The following SUPT7L variants were observed in gnomAD, a reference collection of about 807,000 sequenced individuals.
SUPT7L encodes the protein STAGA complex 65 subunit gamma.
Under a neutral mutation model 35.7 loss-of-function variants are expected in SUPT7L, and 15 were observed. That is an observed-to-expected ratio of 0.42 (90% CI 0.28 to 0.65). The LOEUF (loss-of-function observed/expected upper bound fraction) is 0.65. Among genes scored for constraint, SUPT7L ranks in the 30% least tolerant of loss-of-function variants. The probability of loss-of-function intolerance (pLI) is 0.23; values close to 1 mark genes in which losing one functional copy is unlikely to be tolerated. For missense variants in SUPT7L, 434 were observed against 522.2 expected, an observed-to-expected ratio of 0.83 and a Z score of 1.65; for synonymous variants, 168 against 186.2, an observed-to-expected ratio of 0.90 and a Z score of 0.79.
chr2:27,658,932 T>C (rs1553361737), intron 3 of SUPT7L, among the ~76,000 whole-genome samples: 2 of 152,244 alleles, frequency 1.3e-5, no homozygotes, highest in Non-Finnish European at 2.9e-5. Context: ...ATTTTTGTTA[T>C]ACAGTTTCCT....
downstream of SUPT7L, chr2:27,647,906 G>A (rs144220021): frequency 6.7e-5 from 108 of 1,613,118 alleles, no homozygotes; most frequent in Admixed American, 1.7e-5. Context: ...AAGAGGATGA[G>A]GAAGCAGACA....
At chr2:27,650,323 G>A (rs1005217165), downstream of SUPT7L, 2 of 557,596 alleles carry the variant, frequency 3.6e-6, no homozygotes, top group African/African-American at 3.8e-5. Flanking sequence ...GAGTAGCAAA[G>A]TTTCTCTTAT....
chr2:27,654,818 A>G (rs1674715247), intron 5 of SUPT7L, among the ~76,000 whole-genome samples: 1 of 152,074 alleles, frequency 6.6e-6, no homozygotes, highest in African/African-American at 2.4e-5. Context: ...CGCCCGCCTC[A>G]GCCTCCCAAA....
downstream of SUPT7L, among the ~76,000 whole-genome samples, chr2:27,647,492 T>C (rs1458514001): frequency 6.6e-6 from 1 of 152,180 alleles, no homozygotes; most frequent in African/African-American, 2.4e-5. Flanking sequence ...GCACACTGGA[T>C]CTGCTCAAAT....
In SUPT7L at chr2:27,660,234, C is replaced by CT. The variant is rs745426039; in HGVS notation, c.419+749dup. 2.4e-3 allele frequency among the ~76,000 whole-genome samples: 351 copies of CT among 144,530 alleles called. 1 individual carries two copies. Among genetic ancestry groups the CT allele is most frequent in the African/African-American group, 3.5e-3 (140 of 39,678 alleles). The allele number at this position is 144,530 out of a possible 152,430, so 94.8% of individuals were successfully genotyped here. A position where few individuals can be genotyped will look rare whatever the true frequency, so the allele number is the denominator to read the frequency against. On this transcript the variant is annotated intron_variant, in intron 3 of 5. Transcript: ENST00000337768. The stretch of plus-strand genomic sequence containing the variant: ...CAATAACATTTTTATATTATTATTT[C>CT]TTTTTTTTTTTTTCCAGACAGGGTC...
rs1675148933 is a variant in SUPT7L at position 27,662,287 on chromosome 2, G to C, written c.-89-6C>G. On this transcript the variant is annotated splice_region_variant and splice_polypyrimidine_tract_variant and intron_variant, in intron 1 of 5. Transcript: ENST00000337768. ...GATAATGTGAGATCCTTGCCCTGAA[G>C]TGAGGAAGAGAAACAGAAGCAGAAT... 1 of 1,345,418 alleles carries C rather than the reference G, an allele frequency of 7.4e-7. No individual in the cohort carries two copies. The allele number at this position is 1,345,418 out of a possible 1,614,324, so 83.3% of individuals were successfully genotyped here. A position where few individuals can be genotyped will look rare whatever the true frequency, so the allele number is the denominator to read the frequency against.
downstream of SUPT7L, among the ~76,000 whole-genome samples, chr2:27,646,594 G>A (rs1001767591): frequency 1.3e-5 from 2 of 152,048 alleles, no homozygotes; most frequent in African/African-American, 4.8e-5. Context: ...TATATTGAGG[G>A]ACTGCCCTCA....
intron 2 of SUPT7L, chr2:27,661,665 A>G: frequency 7.8e-7 from 1 of 1,285,992 alleles, no homozygotes; most frequent in Non-Finnish European, 9.9e-7. Flanking sequence ...GACAATTCCT[A>G]CTACACTGAA....
rs777610958 is a variant in SUPT7L, at chr2:27,661,113, T to C, written c.290A>G (p.Glu97Gly). 1.2e-6 allele frequency: 2 copies of C among 1,614,138 alleles called. No homozygotes were observed. The highest frequency in any genetic ancestry group is 2.2e-5 in the South Asian group (2 of 91,082). ...NQQQTEGVKT[E>G]ESEPLPSCPG... Reference sequence around the variant, plus strand: ...GCACGAGGGAAGAGGTTCACTCTCTTCAGTTTTTACACCTTCTGTCTGCTG... The same window carrying C: ...GCACGAGGGAAGAGGTTCACTCTCTCCAGTTTTTACACCTTCTGTCTGCTG... Residue 97 changes from glutamate (E) to glycine (G), a missense_variant, in exon 3 of 6, where the codon GAA becomes GGA. Around this residue, in one of 3 missense-constraint regions of SUPT7L, gnomAD observed 198 missense variants for 190.8 expected, o/e 1.04. Coordinates refer to ENST00000337768, the MANE Select transcript of SUPT7L (RefSeq NM_014860.3).
Position 27,662,289 on chromosome 2 carries a change from G to A in SUPT7L, c.-89-8C>T. ...TAATGTGAGATCCTTGCCCTGAAGT[G>A]AGGAAGAGAAACAGAAGCAGAATAT... On this transcript the variant is annotated splice_region_variant and splice_polypyrimidine_tract_variant and intron_variant, in intron 1 of 5. Coordinates refer to ENST00000337768, the MANE Select transcript of SUPT7L (RefSeq NM_014860.3). 1 of 1,343,846 alleles carries A rather than the reference G, an allele frequency of 7.4e-7. No homozygotes were observed. 83.2% of individuals were successfully genotyped at this position (1,343,846 alleles called of 1,614,324 possible).
At chr2:27,650,003 A>AGTACTTAAGTTTCTTAGAAGTAAT, downstream of SUPT7L, 1 of 643,930 alleles carries the variant, frequency 1.6e-6, no homozygotes, top group East Asian at 2.7e-5. Context: ...GAGGGAAGTG[A>AGTACTTAAGTTTCTTAGAAGTAAT]GTACTTAAGT....
chr2:27,655,612 A>T lies in SUPT7L; in HGVS notation c.745-10T>A, dbSNP rs776578715. ...AGAGTTGCTTACTAATCTGTTGGCA[A>T]GCAAGAGTCAATTTTCCAAGGAAAT... On this transcript the variant is annotated splice_polypyrimidine_tract_variant and intron_variant, in intron 4 of 5. Transcript: ENST00000337768. 2 of 1,554,246 alleles carry T rather than the reference A, an allele frequency of 1.3e-6. No homozygotes were observed. Among genetic ancestry groups the T allele is most frequent in the Admixed American group, 4.1e-5 (2 of 48,914 alleles).
the SUPT7L span, among the ~76,000 whole-genome samples, chr2:27,642,958 T>TATATACACAC: frequency 3.4e-4 from 42 of 122,656 alleles, no homozygotes; most frequent in South Asian, 1.4e-3. Flanking sequence ...TATATATATA[T>TATATACACAC]ACACACACAC....
rs1193160073 is a variant in SUPT7L at position 27,653,837 on chromosome 2, AAT to A, written c.983-92_983-91del. On this transcript the variant is annotated intron_variant, in intron 5 of 5. Transcript: ENST00000337768. The stretch of plus-strand genomic sequence containing the variant: ...GTAAATATATCACTCAGAACCAACT[AAT>A]ATGCTTTGAGCTCAGTTTTCACTCT... 4 of 1,488,006 alleles carry A rather than the reference AAT, an allele frequency of 2.7e-6. No homozygotes were observed. The South Asian group carries it at 3.7e-5, about 14-fold the overall frequency. 92.2% of individuals were successfully genotyped at this position (1,488,006 alleles called of 1,614,324 possible).
At position 27,653,476 on chromosome 2, in the gene SUPT7L, C is replaced by T. The variant is rs1558497352; in HGVS notation, c.*9G>A. ...GTAGGTCTGGACAAAACATCTCCCT[C>T]TTTTCCTTTTATATTTTCCTCATCC... On this transcript the variant is annotated 3_prime_UTR_variant, in exon 6 of 6. Coordinates refer to ENST00000337768, the MANE Select transcript of SUPT7L (RefSeq NM_014860.3). 1.2e-6 allele frequency: 2 copies of T among 1,611,624 alleles called. No homozygotes were observed. Among genetic ancestry groups the T allele is most frequent in the Admixed American group, 1.7e-5 (1 of 60,008 alleles).
Position 27,662,475 on chromosome 2 carries a change from T to C in SUPT7L, c.-89-194A>G, listed in dbSNP as rs145610360. ...CTGTACATTTCCACAATTGACACTT[T>C]CAGCTGTGAACTCTGCCAGAAATGC... On this transcript the variant is annotated intron_variant, in intron 1 of 5. Transcript: ENST00000337768. 7.2e-5 allele frequency among the ~76,000 whole-genome samples: 11 copies of C among 152,282 alleles called. No homozygotes were observed. The East Asian group carries it at 2.1e-3, about 29-fold the overall frequency.
chr2:27,647,371 A>G (rs929787015), downstream of SUPT7L, among the ~76,000 whole-genome samples: 1 of 152,102 alleles, frequency 6.6e-6, no homozygotes, highest in African/African-American at 2.4e-5. Flanking sequence ...CTTAAATAAT[A>G]CCCTGGCTCC....
At chr2:27,650,179 C>G, downstream of SUPT7L, 1 of 1,598,218 alleles carries the variant, frequency 6.3e-7, no homozygotes, top group Non-Finnish European at 8.6e-7. Flanking sequence ...TGGCACAATA[C>G]TGGAAGAGAA....
downstream of SUPT7L, chr2:27,648,090 C>T: frequency 1.6e-6 from 1 of 618,472 alleles, no homozygotes; most frequent in Admixed American, 2.6e-5. Context: ...ATTGAGAGTT[C>T]CTGTCCTGCC....
Sources: gnomAD v4.1 joint callset for allele counts (sites outside exome capture counted in the v4.1 genomes callset) on GRCh38, gnomAD v4.1.1 for gene constraint, gnomAD v4.1.1 regional missense constraint, MANE v1.5 for transcripts, NCBI Gene and HGNC (gene_info 2026-07-23, HGNC 2026-07-21) for gene names.